Variants in HS6ST3 observed in about 807,000 individuals in gnomAD.
HS6ST3 encodes heparan sulfate 6-O-sulfotransferase 3.
A neutral mutation model predicts 36.7 loss-of-function variants in HS6ST3; 12 were observed. The observed-to-expected ratio is 0.33, with a 90% CI of 0.21 to 0.53. The LOEUF (loss-of-function observed/expected upper bound fraction) is 0.53, where lower values mean the gene tolerates loss of function less well. HS6ST3 is among the 20% of genes least tolerant of loss of function. The probability of loss-of-function intolerance (pLI) is 0.95; values close to 1 mark genes in which losing one functional copy is unlikely to be tolerated. For synonymous variants in HS6ST3, 240 were observed against 257.5 expected (o/e 0.93, Z 0.65); for missense variants, 584 against 640.9 (o/e 0.91, Z 0.96).
At chr13:96,136,461 C>T (rs1317421481) in intron 1 of HS6ST3, among the ~76,000 whole-genome samples, 3 of 151,908 alleles carry the variant, frequency 2.0e-5, no homozygotes, top group South Asian at 4.2e-4. Context: ...GGAGGTGCTG[C>T]ACGCTTTTAA....
At chr13:96,644,405 C>T (rs1324388399) in intron 1 of HS6ST3, among the ~76,000 whole-genome samples, 1 of 151,846 alleles carries the variant, frequency 6.6e-6, no homozygotes, top group Non-Finnish European at 1.5e-5. Flanking sequence ...TATATGAAGC[C>T]CCAGTGAGAA....
intron 1 of HS6ST3, among the ~76,000 whole-genome samples, chr13:96,248,125 C>T (rs974214081): frequency 1.3e-5 from 2 of 152,158 alleles, no homozygotes; most frequent in African/African-American, 4.8e-5. Flanking sequence ...CAAATACTTG[C>T]CCTAAAGATT....
At chr13:96,304,600 C>T (rs1470615784) in intron 1 of HS6ST3, among the ~76,000 whole-genome samples, 4 of 151,586 alleles carry the variant, frequency 2.6e-5, no homozygotes, top group African/African-American at 4.9e-5. Flanking sequence ...CACCGATTGC[C>T]TGAGGAAGAA....
At chr13:96,254,786 GC>G (rs947231405) in intron 1 of HS6ST3, among the ~76,000 whole-genome samples, 1 of 151,892 alleles carries the variant, frequency 6.6e-6, no homozygotes, top group Non-Finnish European at 1.5e-5. Flanking sequence ...AAAGAAAGTA[GC>G]CTTTTTGCCT....
intron 1 of HS6ST3, among the ~76,000 whole-genome samples, chr13:96,381,812 G>A (rs919504478): frequency 3.9e-5 from 6 of 152,156 alleles, no homozygotes; most frequent in African/African-American, 1.2e-4. Context: ...AGAGATTCCC[G>A]CCCTAGAGTT....
chr13:96,355,295 C>A (rs1040640422), intron 1 of HS6ST3, among the ~76,000 whole-genome samples: 1 of 151,666 alleles, frequency 6.6e-6, no homozygotes, highest in South Asian at 2.1e-4. Flanking sequence ...GATTCCAACC[C>A]TGATGGCTGA....
chr13:96,599,252 G>A (rs1310376262), intron 1 of HS6ST3, among the ~76,000 whole-genome samples: 1 of 152,052 alleles, frequency 6.6e-6, no homozygotes, highest in Non-Finnish European at 1.5e-5. Context: ...GAGTTTGGCT[G>A]TGAATCTCTG....
At chr13:96,221,141 C>A (rs530466576) in intron 1 of HS6ST3, among the ~76,000 whole-genome samples, 1 of 152,054 alleles carries the variant, frequency 6.6e-6, no homozygotes, top group South Asian at 2.1e-4. Flanking sequence ...CTTTTTTTAA[C>A]AGGAAAAATA....
chr13:96,381,420 AT>A (rs2055340928), intron 1 of HS6ST3, among the ~76,000 whole-genome samples: 2 of 151,710 alleles, frequency 1.3e-5, no homozygotes, highest in Non-Finnish European at 2.9e-5. Context: ...GTATCTATCT[AT>A]CTATCTATCT....
At chr13:96,464,219 A>T (rs2055800993) in intron 1 of HS6ST3, among the ~76,000 whole-genome samples, 1 of 149,512 alleles carries the variant, frequency 6.7e-6, no homozygotes. Context: ...CAAACCCCTC[A>T]TCATGATGAT....
intron 1 of HS6ST3, among the ~76,000 whole-genome samples, chr13:96,608,654 C>G (rs961045084): frequency 6.6e-6 from 1 of 152,028 alleles, no homozygotes; most frequent in Admixed American, 6.6e-5. Flanking sequence ...GGAGGAGGAC[C>G]CTGTAGATTA....
intron 1 of HS6ST3, among the ~76,000 whole-genome samples, chr13:96,474,242 A>C (rs1312759144): frequency 3.9e-5 from 6 of 152,152 alleles, no homozygotes; most frequent in Non-Finnish European, 8.8e-5. Flanking sequence ...CAGTTTCTTT[A>C]ATCACACTGA....
chr13:96,808,164 A>G (rs1878240853), intron 1 of HS6ST3, among the ~76,000 whole-genome samples: 2 of 152,212 alleles, frequency 1.3e-5, no homozygotes, highest in South Asian at 4.1e-4. Context: ...GAAAAACAGT[A>G]GAGAATGTAT....
At chr13:96,532,714 A>G (rs2056140541) in intron 1 of HS6ST3, among the ~76,000 whole-genome samples, 1 of 152,266 alleles carries the variant, frequency 6.6e-6, no homozygotes, top group Non-Finnish European at 1.5e-5. Context: ...ATCACTGAAC[A>G]AAAGAAGGTG....
chr13:96,832,523 A>G lies in HS6ST3; in HGVS notation c.741A>G (p.Pro247=). ...NFYYITMLRD[P]VSRYLSEWKH... is the part of the protein sequence containing the mutation. The stretch of plus-strand genomic sequence containing the variant: ...ATTACATCACAATGTTACGGGATCC[A>G]GTGTCACGTTACCTGAGCGAGTGGA... Residue 247 remains proline (P), a synonymous_variant, in exon 2 of 2, where the codon CCA becomes CCG. Coordinates refer to ENST00000376705, the MANE Select transcript of HS6ST3 (RefSeq NM_153456.4). 1 of 1,596,710 alleles carries G rather than the reference A, an allele frequency of 6.3e-7. No individual in the cohort carries two copies. Among genetic ancestry groups the G allele is most frequent in the African/African-American group, 1.3e-5 (1 of 74,298 alleles).
chr13:96,797,733 A>G (rs1474749387), intron 1 of HS6ST3, among the ~76,000 whole-genome samples: 1 of 152,056 alleles, frequency 6.6e-6, no homozygotes, highest in Non-Finnish European at 1.5e-5. Flanking sequence ...CTTTCACCCC[A>G]CAGCAATCAA....
chr13:96,469,745 G>A (rs1358377042), intron 1 of HS6ST3, among the ~76,000 whole-genome samples: 6 of 152,026 alleles, frequency 3.9e-5, no homozygotes, highest in South Asian at 2.1e-4. Flanking sequence ...TGGTGATGGC[G>A]GTGGTGGTGA....
At chr13:96,606,356 A>G (rs1356699103) in intron 1 of HS6ST3, among the ~76,000 whole-genome samples, 2 of 152,084 alleles carry the variant, frequency 1.3e-5, no homozygotes, top group Non-Finnish European at 2.9e-5. Flanking sequence ...TAGAGAAAAC[A>G]TGGTACATAA....
At chr13:96,535,615 G>A (rs2056152511) in intron 1 of HS6ST3, among the ~76,000 whole-genome samples, 1 of 151,744 alleles carries the variant, frequency 6.6e-6, no homozygotes, top group African/African-American at 2.4e-5. Flanking sequence ...TTGAACTTGT[G>A]GCTTGATACA....
Sources: gnomAD v4.1 joint callset for allele counts (sites outside exome capture counted in the v4.1 genomes callset) on GRCh38, gnomAD v4.1.1 for gene constraint, MANE v1.5 for transcripts, NCBI Gene and HGNC (gene_info 2026-07-23, HGNC 2026-07-21) for gene names.